SUPT6H: variants seen among roughly 807,000 people sequenced by gnomAD.
The protein encoded by SUPT6H is SPT6 homolog, histone chaperone and transcription elongation factor, also known as transcription elongation factor SPT6.
A neutral mutation model predicts 222.3 loss-of-function variants in SUPT6H; 11 were observed. That is an observed-to-expected ratio of 0.05 (90% confidence interval 0.03 to 0.08). The LOEUF is 0.08. SUPT6H is among the 10% of genes least tolerant of loss of function. The pLI is 1.00. For missense variants in SUPT6H, 1,422 were observed against 2,216.0 expected (o/e 0.64, Z 7.19); for synonymous variants, 762 against 801.2 (o/e 0.95, Z 0.83).
In SUPT6H at chr17:28,668,306, A is replaced by T. The variant is rs145205959; in HGVS notation, c.-31-5065A>T. On this transcript the variant is annotated intron_variant, in intron 1 of 36. Transcript: ENST00000314616. ...AGGCTCATCATAGATACCATGTATTAATAATAATCATACACAAATAAATAC... is the reference window on the plus strand; with the variant it reads ...AGGCTCATCATAGATACCATGTATTTATAATAATCATACACAAATAAATAC... Among the ~76,000 whole-genome samples the T allele has an allele frequency of 8.6e-4, 131 of 152,356 alleles. No homozygotes were observed. In the Middle Eastern group the frequency reaches 0.027, roughly 32 times the overall value.
Position 28,695,265 on chromosome 17 carries a change from C to T in SUPT6H, c.3775-87C>T, listed in dbSNP as rs2031848870. The T allele has an allele frequency of 4.3e-6, 6 of 1,398,816 alleles. No individual in the cohort carries two copies. The East Asian group carries it at 1.5e-4, about 34-fold the overall frequency. 86.7% of individuals were successfully genotyped at this position (1,398,816 alleles called of 1,614,324 possible). On this transcript the variant is annotated intron_variant, in intron 28 of 36. Transcript: ENST00000314616. ...TCACTTTACACCTTACACCTTTCTG[C>T]CTGGACTTTGGTTTTCTCATGGGTG... is the stretch of plus-strand genomic sequence containing the variant.
At chr17:28,683,200 G>A in intron 15 of SUPT6H, 68 bp from the exon 16 acceptor site, 3 of 1,582,482 alleles carry the variant, frequency 1.9e-6, no homozygotes, top group Non-Finnish European at 8.6e-7. Context: ...AAGCAGAAAG[G>A]CTGTCTTTTC....
intron 1 of SUPT6H, among the ~76,000 whole-genome samples, chr17:28,663,224 A>G (rs1246207067): frequency 6.6e-6 from 1 of 152,224 alleles, no homozygotes; most frequent in Non-Finnish European, 1.5e-5. Context: ...GGAAGTTACC[A>G]GTTTGTAAGT....
chr17:28,679,028 G>C, intron 11 of SUPT6H, 65 bp downstream of exon 11: 1 of 1,601,742 alleles, frequency 6.2e-7, no homozygotes, highest in South Asian at 1.1e-5. Context: ...CCCTGCAGGA[G>C]CACTGTTAAA....
In SUPT6H at chr17:28,701,632, T is replaced by C; in HGVS notation, c.*7T>C. The C allele has an allele frequency of 6.3e-7, 1 of 1,599,352 alleles. No homozygotes were observed. Among genetic ancestry groups the C allele is most frequent in the African/African-American group, 1.3e-5 (1 of 74,792 alleles). ...GGACGAGATGGATCGGTAGGGGGCC[T>C]GCTCCTCGGACTCTGGTTACCTCTG... On this transcript the variant is annotated 3_prime_UTR_variant, in exon 37 of 37. Coordinates refer to ENST00000314616, the MANE Select transcript of SUPT6H (RefSeq NM_003170.5).
chr17:28,686,228 A>T lies in SUPT6H; in HGVS notation c.2488-111A>T, dbSNP rs989537364. On this transcript the variant is annotated intron_variant, in intron 19 of 36. Transcript: ENST00000314616. Reference sequence around the variant, plus strand: ...GTTCCTTGGTAGCACCTTGGACCAGATATCTTCTGAAGACTTCCAGTTCTT... The same window carrying T: ...GTTCCTTGGTAGCACCTTGGACCAGTTATCTTCTGAAGACTTCCAGTTCTT... 4 of 977,370 alleles carry T rather than the reference A, an allele frequency of 4.1e-6. No homozygotes were observed. In the African/African-American group the frequency reaches 6.5e-5, roughly 16 times the overall value. The allele number at this position is 977,370 out of a possible 1,614,324, so 60.5% of individuals were successfully genotyped here. A position where few individuals can be genotyped will look rare whatever the true frequency, so the allele number is the denominator to read the frequency against.
At chr17:28,672,120 T>A (rs2030455219) in intron 1 of SUPT6H, among the ~76,000 whole-genome samples, 1 of 152,266 alleles carries the variant, frequency 6.6e-6, no homozygotes, top group Non-Finnish European at 1.5e-5. Flanking sequence ...TTTGTGTGTT[T>A]AATCTATTGA....
intron 24 of SUPT6H, 169 bp from the exon 25 acceptor site, chr17:28,689,185 T>C: frequency 1.6e-6 from 1 of 621,174 alleles, no homozygotes; most frequent in Non-Finnish European, 2.8e-6. Context: ...TGTGGCCATC[T>C]TTCCATGTCA....
At position 28,701,873 on chromosome 17, in the gene SUPT6H, G is replaced by A. The variant is rs575563746; in HGVS notation, c.*248G>A. On this transcript the variant is annotated 3_prime_UTR_variant, in exon 37 of 37. Transcript: ENST00000314616. The stretch of plus-strand genomic sequence containing the variant: ...GTCCTGGGACCAGGCTGGGAGGGGA[G>A]TGTGGCAGGGAGGAGGAAGAGGAAG... 4 of 509,332 alleles carry A rather than the reference G, an allele frequency of 7.9e-6. No homozygotes were observed. Among genetic ancestry groups the A allele is most frequent in the Admixed American group, 6.5e-5 (2 of 30,700 alleles). 31.6% of individuals were successfully genotyped at this position (509,332 alleles called of 1,614,324 possible). A position where few individuals can be genotyped will look rare whatever the true frequency, so the allele number is the denominator to read the frequency against.
Position 28,683,729 on chromosome 17 carries a change from A to G in SUPT6H, c.2142A>G (p.Glu714=). The change falls in exon 17 of 37, where the codon GAA becomes GAG. Residue 714 remains glutamate (E), a synonymous_variant. Transcript: ENST00000314616. ...ACCGGCAGCGCACCATGGCCATCGA[A>G]CGGGCTTTACAGCAGTTCCTCTATG... is the stretch of plus-strand genomic sequence containing the variant. The part of the protein sequence containing the change: ...EWNRQRTMAI[E]RALQQFLYVQ... 1 of 1,614,054 alleles carries G rather than the reference A, an allele frequency of 6.2e-7. No individual in the cohort carries two copies. Among genetic ancestry groups the G allele is most frequent in the East Asian group, 2.2e-5 (1 of 44,900 alleles).
rs2151635598 is a variant in SUPT6H at position 28,683,603 on chromosome 17, C to T, written c.2034-18C>T. ...CTTTTCTCCATTCCTGACACCATAG[C>T]TTTGTGTCTCTTCTCAGCTATGGCA... On this transcript the variant is annotated intron_variant, in intron 16 of 36. Transcript: ENST00000314616. The T allele has an allele frequency of 6.2e-7, 1 of 1,611,566 alleles. No homozygotes were observed. Among genetic ancestry groups the T allele is most frequent in the Non-Finnish European group, 8.5e-7 (1 of 1,178,142 alleles).
chr17:28,689,594 AC>A, intron 25 of SUPT6H, 33 bp downstream of exon 25: 1 of 1,609,672 alleles, frequency 6.2e-7, no homozygotes. Context: ...CGGCAGGAGA[AC>A]CCATCCCAAG....
intron 21 of SUPT6H, 56 bp from the exon 22 acceptor site, chr17:28,687,032 C>G: frequency 3.8e-6 from 6 of 1,596,250 alleles, no homozygotes; most frequent in Non-Finnish European, 5.1e-6. Flanking sequence ...TGGATTTCCT[C>G]TTGATGTTGT....
At chr17:28,670,572 G>A (rs1448196787) in intron 1 of SUPT6H, among the ~76,000 whole-genome samples, 2 of 152,166 alleles carry the variant, frequency 1.3e-5, no homozygotes, top group African/African-American at 4.8e-5. Context: ...CTATCTCTAG[G>A]AGACATTCAA....
At position 28,695,971 on chromosome 17, in the gene SUPT6H, T is replaced by C. The variant is rs1349109262; in HGVS notation, c.3970+424T>C. ...TGAGCCCAGGAGTTCAAGACCAGCC[T>C]GGGCAACTTAGTAAGACACCATCTC... On this transcript the variant is annotated intron_variant, in intron 29 of 36. Coordinates refer to ENST00000314616, the MANE Select transcript of SUPT6H (RefSeq NM_003170.5). Among the ~76,000 whole-genome samples, 6 of 152,202 alleles carry C rather than the reference T, an allele frequency of 3.9e-5. No homozygotes were observed. The South Asian group carries it at 6.2e-4, about 16-fold the overall frequency.
In SUPT6H at chr17:28,678,136, A is replaced by G. The variant is rs1315773317; in HGVS notation, c.1060A>G (p.Ser354Gly). Residue 354 changes from serine (S) to glycine (G), a missense_variant, in exon 9 of 37, where the codon AGC becomes GGC. Coordinates refer to ENST00000314616, the MANE Select transcript of SUPT6H (RefSeq NM_003170.5). ...CAGCAGCTTCAGTCGGAAAGGGCCC[A>G]GCACAATTCAGAAGATCAAAGAGGC... ...PASSFSRKGP[S>G]TIQKIKEALG... 2 of 1,609,734 alleles carry G rather than the reference A, an allele frequency of 1.2e-6. No homozygotes were observed. Among genetic ancestry groups the G allele is most frequent in the Non-Finnish European group, 1.7e-6 (2 of 1,178,996 alleles).
chr17:28,684,261 G>A (rs2031270160), intron 17 of SUPT6H, among the ~76,000 whole-genome samples: 1 of 152,110 alleles, frequency 6.6e-6, no homozygotes, highest in Non-Finnish European at 1.5e-5. Context: ...AACACGGGGG[G>A]CAGGTGAAGC....
At chr17:28,676,527 G>T in intron 7 of SUPT6H, 97 bp downstream of exon 7, 1 of 1,562,790 alleles carries the variant, frequency 6.4e-7, no homozygotes, top group Non-Finnish European at 8.6e-7. Flanking sequence ...ATCCAGCACA[G>T]GTTTGAACCT....
chr17:28,690,035 G>A (rs2031568739), intron 25 of SUPT6H, 47 bp from the exon 26 acceptor site: 1 of 1,586,860 alleles, frequency 6.3e-7, no homozygotes, highest in African/African-American at 1.3e-5. Flanking sequence ...TTGAGGCTCA[G>A]GTTGGGGGGC....
Sources: gnomAD v4.1 joint callset for allele counts (sites outside exome capture counted in the v4.1 genomes callset) on GRCh38, gnomAD v4.1.1 for gene constraint, MANE v1.5 for transcripts, NCBI Gene and HGNC (gene_info 2026-07-23, HGNC 2026-07-21) for gene names.